PCNT: variants seen among roughly 807,000 people sequenced by gnomAD.
PCNT encodes pericentrin, also known as kendrin.
A neutral mutation model predicts 380.4 loss-of-function variants in PCNT; 319 were observed. The observed-to-expected ratio is 0.84, with a 90% CI of 0.77 to 0.92. The LOEUF is 0.92. Among genes scored for constraint, PCNT ranks in the 40% least tolerant of loss-of-function variants. The pLI, the probability that PCNT is intolerant of heterozygous loss-of-function variation, is 0.00. For missense variants in PCNT, 4,400 were observed against 4,255.3 expected (o/e 1.03, Z -0.95); for synonymous variants, 1,845 against 1,735.2 (o/e 1.06, Z -1.57).
intron 24 of PCNT, among the ~76,000 whole-genome samples, chr21:46,399,354 C>G (rs939125964): frequency 2.0e-4 from 31 of 151,844 alleles, no homozygotes; most frequent in Non-Finnish European, 3.7e-4. Context: ...GGGTCTAGGT[C>G]TCTGTTCAGC....
chr21:46,443,710 C>CTTT (rs1432693149), intron 44 of PCNT, 100 bp from the exon 45 acceptor site: 10 of 1,170,770 alleles, frequency 8.5e-6, no homozygotes, highest in African/African-American at 1.5e-5. Flanking sequence ...CATACAGGCT[C>CTTT]TTAAAAGCTT....
intron 41 of PCNT, among the ~76,000 whole-genome samples, chr21:46,439,679 A>C (rs1327342849): frequency 6.6e-6 from 1 of 152,162 alleles, no homozygotes; most frequent in African/African-American, 2.4e-5. Context: ...GAATCCATGG[A>C]TGTGGAACCC....
Position 46,442,483 on chromosome 21 carries a change from T to C in PCNT, c.9624-14T>C. ...GCCGTACTTTTAAGTGTGTCTTGTC[T>C]CTTTTTTTTGTAGATTACGTTTTTT... is the stretch of plus-strand genomic sequence containing the variant. On this transcript the variant is annotated splice_polypyrimidine_tract_variant and intron_variant, in intron 43 of 46. Coordinates refer to ENST00000359568, the MANE Select transcript of PCNT (RefSeq NM_006031.6). 6.4e-7 allele frequency: 1 copy of C among 1,561,194 alleles called. No homozygotes were observed. The highest frequency in any genetic ancestry group is 1.4e-5 in the African/African-American group (1 of 74,004).
chr21:46,383,226 G>A (rs996017656), intron 16 of PCNT, among the ~76,000 whole-genome samples: 23 of 146,804 alleles, frequency 1.6e-4, no homozygotes, highest in Non-Finnish European at 2.3e-4. Context: ...ATTCAGTGGC[G>A]GAAGCGCATT....
intron 15 of PCNT, among the ~76,000 whole-genome samples, chr21:46,370,895 CATG>C (rs1305134086): frequency 1.3e-5 from 2 of 152,124 alleles, no homozygotes; most frequent in Non-Finnish European, 2.9e-5. Flanking sequence ...ATTAGACAGG[CATG>C]GTGGTGGGCG....
rs560671942 is a variant in PCNT, at chr21:46,435,689, C to A, written c.8752-215C>A. ...TCTCGAGTAGCTGGGACTACAGGCG[C>A]CCGCCACCACGCCCGGCTAATTTTT... On this transcript the variant is annotated intron_variant, in intron 38 of 46. Coordinates refer to ENST00000359568, the MANE Select transcript of PCNT (RefSeq NM_006031.6). Among the ~76,000 whole-genome samples, 6 of 152,112 alleles carry A rather than the reference C, an allele frequency of 3.9e-5. No homozygotes were observed. The South Asian group carries it at 1.0e-3, about 26-fold the overall frequency.
rs150450952 is a variant in PCNT at position 46,338,143 on chromosome 21, G to A, written c.639+3375G>A. Among the ~76,000 whole-genome samples the A allele has an allele frequency of 6.9e-3, 1,049 of 152,224 alleles. 20 individuals carry two copies. The highest frequency in any genetic ancestry group is 0.024 in the African/African-American group (1,011 of 41,514). On this transcript the variant is annotated intron_variant, in intron 3 of 46. Coordinates refer to ENST00000359568, the MANE Select transcript of PCNT (RefSeq NM_006031.6). ...ATCCTCCTGCCTCGGCCTCCAAAAT[G>A]CTGGGATTACAGGTGTGAGCCACCT...
rs1415749709 is a variant in PCNT, at chr21:46,402,337, G to A, written c.4969G>A (p.Asp1657Asn). The A allele has an allele frequency of 4.4e-6, 7 of 1,598,472 alleles. No individual in the cohort carries two copies. The highest frequency in any genetic ancestry group is 6.0e-6 in the Non-Finnish European group (7 of 1,166,212). The change falls in exon 27 of 47, where the codon GAC becomes AAC. Residue 1657 changes from aspartate to asparagine, a missense_variant. Asp to Asn is a conservative substitution (Grantham distance 23, BLOSUM62 1). Coordinates refer to ENST00000359568, the MANE Select transcript of PCNT (RefSeq NM_006031.6). ...TCTTTTGTTTTAATGAAAGGTTTTG[G>A]ACTTAAAAGAACAGCTAGAAAAGAT... Reference protein sequence around the residue: ...ALLRRESEVLDLKEQLEKMKG... With the variant: ...ALLRRESEVLNLKEQLEKMKG...
rs200266087 is a variant in PCNT at position 46,391,424 on chromosome 21, T to C, written c.4216+48T>C. 9.7e-4 allele frequency: 1,403 copies of C among 1,449,182 alleles called. 5 individuals carry two copies. The highest frequency in any genetic ancestry group is 1.5e-3 in the South Asian group (121 of 79,882). 89.8% of individuals were successfully genotyped at this position (1,449,182 alleles called of 1,614,324 possible). On this transcript the variant is annotated intron_variant, in intron 21 of 46. Coordinates refer to ENST00000359568, the MANE Select transcript of PCNT (RefSeq NM_006031.6). ...GGTGGTGCGAGCTGTGGGGCGCGGA[T>C]ACAGCTGCCACGGTTTCCCCAGCTC...
intron 8 of PCNT, 140 bp downstream of exon 8, chr21:46,349,960 A>G: frequency 1.2e-6 from 1 of 861,272 alleles, no homozygotes. Flanking sequence ...ACAGTGGTTC[A>G]CGCCTGTAAC....
At chr21:46,351,799 C>T (rs1215757674) in intron 9 of PCNT, among the ~76,000 whole-genome samples, 1 of 152,216 alleles carries the variant, frequency 6.6e-6, no homozygotes, top group Non-Finnish European at 1.5e-5. Context: ...GCAACACTTG[C>T]AGGGGGTGCC....
chr21:46,401,524 A>G (rs2086426430), intron 25 of PCNT, 27 bp from the exon 26 acceptor site: 3 of 1,596,878 alleles, frequency 1.9e-6, no homozygotes, highest in African/African-American at 2.7e-5. Context: ...ATATTTGCCT[A>G]AAATAGAGTT....
At chr21:46,430,270 T>C (rs368725583) in intron 36 of PCNT, 38 bp downstream of exon 36, 50 of 1,570,174 alleles carry the variant, frequency 3.2e-5, no homozygotes, top group Middle Eastern at 2.1e-4. Flanking sequence ...CTGGCGGGAG[T>C]CCCCCCGTTG....
At chr21:46,439,140 G>A (rs990872456) in intron 41 of PCNT, among the ~76,000 whole-genome samples, 2 of 150,710 alleles carry the variant, frequency 1.3e-5, no homozygotes, top group African/African-American at 4.9e-5. Flanking sequence ...CCCTTTCCTG[G>A]TGTAGTGTCA....
intron 15 of PCNT, among the ~76,000 whole-genome samples, chr21:46,377,331 A>C (rs1401589791): frequency 6.6e-6 from 1 of 152,246 alleles, no homozygotes; most frequent in African/African-American, 2.4e-5. Flanking sequence ...TGCTGAGGAC[A>C]TGGGCTTCGT....
chr21:46,445,422 C>CATGAAGAGTAGTGCCCA lies in PCNT; in HGVS notation c.*95_*96insATGAAGAGTAGTGCCCA. ...GGAAGCTCGTGGGACAGCATGGGCACTACTCTTCATGTGCGGTGACACCAG... is the reference window on the plus strand; with the variant it reads ...GGAAGCTCGTGGGACAGCATGGGCACATGAAGAGTAGTGCCCATACTCTTCATGTGCGGTGACACCAG... On this transcript the variant is annotated 3_prime_UTR_variant, in exon 47 of 47. Transcript: ENST00000359568. 1.0e-6 allele frequency: 1 copy of CATGAAGAGTAGTGCCCA among 954,808 alleles called. No individual in the cohort carries two copies. Among genetic ancestry groups the CATGAAGAGTAGTGCCCA allele is most frequent in the Non-Finnish European group, 1.7e-6 (1 of 577,516 alleles). 59.1% of individuals were successfully genotyped at this position (954,808 alleles called of 1,614,324 possible). A position where few individuals can be genotyped will look rare whatever the true frequency, so the allele number is the denominator to read the frequency against.
Position 46,416,666 on chromosome 21 carries a change from G to A in PCNT, c.6748G>A (p.Ala2250Thr). 1.1e-5 allele frequency: 17 copies of A among 1,562,514 alleles called. No homozygotes were observed. Among genetic ancestry groups the A allele is most frequent in the Non-Finnish European group, 1.5e-5 (17 of 1,156,016 alleles). The change falls in exon 30 of 47, where the codon GCC becomes ACC. Residue 2250 changes from alanine (A) to threonine (T), a missense_variant. Transcript: ENST00000359568. ...CCTCCCCGTGACACCCCACTCAGGA[G>A]CCCTGAGCCTGTGCAGTGCCGACAC... ...PSLPVTPHSG[A>T]LSLCSADTSL... is the part of the protein sequence containing the mutation.
intron 35 of PCNT, among the ~76,000 whole-genome samples, chr21:46,428,932 T>C (rs1673658065): frequency 6.9e-6 from 1 of 144,710 alleles, no homozygotes; most frequent in Admixed American, 6.6e-5. Flanking sequence ...AGTTTTTATG[T>C]AGATGCTCAG....
chr21:46,416,448 C>T lies in PCNT; in HGVS notation c.6530C>T (p.Ser2177Phe), dbSNP rs770899126. 18 of 1,614,080 alleles carry T rather than the reference C, an allele frequency of 1.1e-5. No individual in the cohort carries two copies. In the East Asian group the frequency reaches 3.8e-4, roughly 34 times the overall value. The change falls in exon 30 of 47, where the codon TCT (serine) becomes TTT (phenylalanine). Residue 2177 changes from serine to phenylalanine, a missense_variant. By Grantham distance (155) the Ser-to-Phe change is radical. Coordinates refer to ENST00000359568, the MANE Select transcript of PCNT (RefSeq NM_006031.6). Reference protein sequence around the residue: ...DSLIPDEMPDSPIQEKSECQD... With the variant: ...DSLIPDEMPDFPIQEKSECQD... ...TTGATACCAGATGAAATGCCAGATTCTCCCATTCAAGAAAAATCAGAATGT... is the reference window on the plus strand; with the variant it reads ...TTGATACCAGATGAAATGCCAGATTTTCCCATTCAAGAAAAATCAGAATGT...
Sources: allele counts gnomAD v4.1 joint callset (sites outside exome capture counted in the v4.1 genomes callset), GRCh38; gene constraint gnomAD v4.1.1; transcripts MANE v1.5; gene names NCBI Gene and HGNC (gene_info 2026-07-23, HGNC 2026-07-21).